The following CCDC102B variants were observed in gnomAD, a reference collection of about 807,000 sequenced individuals.
The protein encoded by CCDC102B is coiled-coil domain-containing protein 102B.
A neutral mutation model predicts 57.4 loss-of-function variants in CCDC102B; 75 were observed. That is an observed-to-expected ratio of 1.31 (90% CI 1.08 to 1.58). CCDC102B has a LOEUF of 1.58. CCDC102B is among the 40% of genes most tolerant of loss of function. The probability of loss-of-function intolerance (pLI) is 0.00; values close to 1 mark genes in which losing one functional copy is unlikely to be tolerated. For synonymous variants in CCDC102B, 206 were observed against 201.9 expected (o/e 1.02, Z -0.17); for missense variants, 636 against 582.6 (o/e 1.09, Z -0.94).
intron 1 of CCDC102B, among the ~76,000 whole-genome samples, chr18:68,814,700 A>T (rs6566384): frequency 0.41 from 62,422 of 151,914 alleles, 14,148 homozygotes; most frequent in East Asian, 0.86. Flanking sequence ...TTTAGAAATA[A>T]TATCGATAAG....
At chr18:68,839,223 C>G (rs2037517934) in intron 3 of CCDC102B, among the ~76,000 whole-genome samples, 1 of 152,028 alleles carries the variant, frequency 6.6e-6, no homozygotes, top group South Asian at 2.1e-4. Flanking sequence ...TTAAAATATC[C>G]AGTGTATTAT....
chr18:68,911,202 T>C (rs1348936958), intron 6 of CCDC102B, among the ~76,000 whole-genome samples: 3 of 152,120 alleles, frequency 2.0e-5, no homozygotes, highest in African/African-American at 7.2e-5. Flanking sequence ...CCATCAACAG[T>C]AAACTGGATA....
intron 6 of CCDC102B, among the ~76,000 whole-genome samples, chr18:68,972,198 C>T (rs759534643): frequency 1.9e-4 from 29 of 152,184 alleles, no homozygotes; most frequent in Non-Finnish European, 3.5e-4. Context: ...TACTCTTCGT[C>T]CTTGCTTCCT....
intron 5 of CCDC102B, 37 bp from the exon 6 acceptor site, chr18:68,897,182 A>G (rs1282720823): frequency 6.4e-7 from 1 of 1,554,144 alleles, no homozygotes; most frequent in Admixed American, 1.9e-5. Context: ...GCAATTGCAA[A>G]TGCTGCATGC....
chr18:69,025,692 T>C (rs1236216024), intron 7 of CCDC102B, among the ~76,000 whole-genome samples: 1 of 152,244 alleles, frequency 6.6e-6, no homozygotes, highest in Non-Finnish European at 1.5e-5. Flanking sequence ...AAAAATATGA[T>C]TCTGTCATTA....
At chr18:69,011,702 A>G (rs1051098628) in intron 7 of CCDC102B, among the ~76,000 whole-genome samples, 1 of 152,000 alleles carries the variant, frequency 6.6e-6, no homozygotes, top group Admixed American at 6.6e-5. Flanking sequence ...TTAAAGAAAC[A>G]CAGTCTTAAA....
chr18:68,732,241 T>C (rs976909640), intron 2 of CCDC102B, among the ~76,000 whole-genome samples: 2 of 152,098 alleles, frequency 1.3e-5, no homozygotes, highest in African/African-American at 4.8e-5. Context: ...TTATTTCTAG[T>C]ATTTCTATGG....
intron 2 of CCDC102B, among the ~76,000 whole-genome samples, chr18:68,784,348 A>C (rs1463012092): frequency 6.6e-6 from 1 of 150,924 alleles, no homozygotes; most frequent in Non-Finnish European, 1.5e-5. Context: ...AAACAACCAG[A>C]TCTCACGAGA....
At chr18:68,797,193 G>A (rs536154452), upstream of CCDC102B, among the ~76,000 whole-genome samples, 1 of 152,112 alleles carries the variant, frequency 6.6e-6, no homozygotes, top group Non-Finnish European at 1.5e-5. Context: ...AGTGGGAAAA[G>A]AATGTTAAGT....
intron 2 of CCDC102B, among the ~76,000 whole-genome samples, chr18:68,741,452 A>G (rs2033376849): frequency 1.3e-5 from 2 of 152,186 alleles, no homozygotes; most frequent in Non-Finnish European, 2.9e-5. Context: ...CAATTCTGGG[A>G]TAGCTGAACC....
At chr18:68,898,821 G>A (rs2145022769) in intron 6 of CCDC102B, among the ~76,000 whole-genome samples, 2 of 152,226 alleles carry the variant, frequency 1.3e-5, no homozygotes, top group Non-Finnish European at 2.9e-5. Flanking sequence ...AGGGGACACA[G>A]ATTAAGAAGC....
At chr18:68,759,103 A>G (rs1418399072) in intron 2 of CCDC102B, among the ~76,000 whole-genome samples, 3 of 151,954 alleles carry the variant, frequency 2.0e-5, no homozygotes, top group African/African-American at 7.2e-5. Flanking sequence ...TGAAAGCACT[A>G]TAAAAAGCTC....
At chr18:69,031,132 T>C (rs8089378) in intron 7 of CCDC102B, among the ~76,000 whole-genome samples, 11,825 of 152,236 alleles carry the variant, frequency 0.078, 1,537 homozygotes, top group African/African-American at 0.27. Context: ...CCTATGTCTG[T>C]GTTTGTCATT....
chr18:68,993,562 T>C lies in CCDC102B; in HGVS notation c.1264-17372T>C, dbSNP rs1056415345. 2.0e-5 allele frequency among the ~76,000 whole-genome samples: 3 copies of C among 152,374 alleles called. No individual in the cohort carries two copies. The East Asian group carries it at 5.8e-4, about 29-fold the overall frequency. On this transcript the variant is annotated intron_variant, in intron 6 of 7. Coordinates refer to ENST00000360242, the MANE Select transcript of CCDC102B (RefSeq NM_024781.3). The stretch of plus-strand genomic sequence containing the variant: ...TACTCACAACAATATTTCATTACTT[T>C]ATGCAAAATTTAAATGACCGATTTT...
At chr18:68,734,576 G>A (rs2033042335) in intron 2 of CCDC102B, among the ~76,000 whole-genome samples, 1 of 152,110 alleles carries the variant, frequency 6.6e-6, no homozygotes, top group Admixed American at 6.5e-5. Context: ...TTTTAACTCC[G>A]TTTCAGATTT....
At chr18:68,790,015 A>G (rs1221901666) in intron 2 of CCDC102B, among the ~76,000 whole-genome samples, 2 of 148,440 alleles carry the variant, frequency 1.3e-5, no homozygotes, top group Admixed American at 6.6e-5. Flanking sequence ...TTTGGTGTGG[A>G]TGTCCTTTCT....
At chr18:68,843,611 ATAT>A (rs1273943040) in intron 3 of CCDC102B, among the ~76,000 whole-genome samples, 1 of 152,032 alleles carries the variant, frequency 6.6e-6, no homozygotes, top group East Asian at 1.9e-4. Flanking sequence ...TACTTTAGCA[ATAT>A]TATTTTTTAA....
intron 5 of CCDC102B, among the ~76,000 whole-genome samples, chr18:68,896,351 G>C (rs867140059): frequency 1.3e-5 from 2 of 151,978 alleles, no homozygotes; most frequent in South Asian, 4.1e-4. Flanking sequence ...TCTTAAATCA[G>C]AATTTCTAGA....
At chr18:68,747,530 C>T (rs1338288147) in intron 2 of CCDC102B, among the ~76,000 whole-genome samples, 1 of 151,968 alleles carries the variant, frequency 6.6e-6, no homozygotes, top group East Asian at 1.9e-4. Flanking sequence ...TCTTCCTATC[C>T]CCATCTAGCC....
Sources: gnomAD v4.1 joint callset for allele counts (sites outside exome capture counted in the v4.1 genomes callset) on GRCh38, gnomAD v4.1.1 for gene constraint, MANE v1.5 for transcripts, NCBI Gene and HGNC (gene_info 2026-07-23, HGNC 2026-07-21) for gene names.